PTPN4: variants seen among roughly 807,000 people sequenced by gnomAD.
PTPN4 encodes protein tyrosine phosphatase non-receptor type 4.
A neutral mutation model predicts 135.5 loss-of-function variants in PTPN4; 49 were observed. That is an observed-to-expected ratio of 0.36 (90% CI 0.29 to 0.46). PTPN4 has a LOEUF of 0.46. PTPN4 is among the 20% of genes least tolerant of loss of function. The pLI is 1.00. For missense variants in PTPN4, 860 were observed against 1,101.0 expected (o/e 0.78, Z 3.10); for synonymous variants, 333 against 369.9 (o/e 0.90, Z 1.14).
intron 2 of PTPN4, among the ~76,000 whole-genome samples, chr2:119,810,425 C>T (rs567327742): frequency 2.6e-5 from 4 of 152,292 alleles, no homozygotes; most frequent in Non-Finnish European, 4.4e-5. Flanking sequence ...AATATTTGTT[C>T]ATCCTATTTG....
intron 20 of PTPN4, among the ~76,000 whole-genome samples, chr2:119,956,165 G>A (rs181773643): frequency 6.6e-6 from 1 of 150,876 alleles, no homozygotes; most frequent in East Asian, 1.9e-4. Context: ...TTTGACCCAC[G>A]ATCACCCAGT....
At chr2:119,808,980 T>C (rs576175166) in intron 1 of PTPN4, among the ~76,000 whole-genome samples, 2 of 152,310 alleles carry the variant, frequency 1.3e-5, no homozygotes, top group African/African-American at 4.8e-5. Context: ...TCCCAAATAC[T>C]AGTCTTTCTT....
At position 119,944,997 on chromosome 2, in the gene PTPN4, C is replaced by T. The variant is rs1679111782; in HGVS notation, c.1356-84C>T. 3 of 1,279,578 alleles carry T rather than the reference C, an allele frequency of 2.3e-6. No homozygotes were observed. In the African/African-American group the frequency reaches 4.7e-5, roughly 20 times the overall value. The allele number at this position is 1,279,578 out of a possible 1,614,324, so 79.3% of individuals were successfully genotyped here. On this transcript the variant is annotated intron_variant, in intron 15 of 26. Coordinates refer to ENST00000263708, the MANE Select transcript of PTPN4 (RefSeq NM_002830.4). Reference sequence around the variant, plus strand: ...TATGGTATTTAGAGCCTGTCTCCTACCAGACATTGTAAATATGTGGGTTGC... The same window carrying T: ...TATGGTATTTAGAGCCTGTCTCCTATCAGACATTGTAAATATGTGGGTTGC...
At chr2:119,899,201 G>A (rs960133170) in intron 9 of PTPN4, among the ~76,000 whole-genome samples, 3 of 152,150 alleles carry the variant, frequency 2.0e-5, no homozygotes, top group Non-Finnish European at 4.4e-5. Flanking sequence ...CACAATTGCT[G>A]TTTTAGACAG....
intron 10 of PTPN4, among the ~76,000 whole-genome samples, chr2:119,903,276 G>A (rs113046357): frequency 6.6e-6 from 1 of 152,036 alleles, no homozygotes; most frequent in Non-Finnish European, 1.5e-5. Flanking sequence ...TGTGCCTTTG[G>A]GGGGCTAAGT....
chr2:119,856,573 G>C (rs72969177), intron 2 of PTPN4, among the ~76,000 whole-genome samples: 2,630 of 152,216 alleles, frequency 0.017, 71 homozygotes, highest in African/African-American at 0.06. Context: ...GTCATTGAAG[G>C]GTTCCTTAGT....
intron 10 of PTPN4, 50 bp downstream of exon 10, chr2:119,900,856 T>G: frequency 9.2e-7 from 1 of 1,087,802 alleles, no homozygotes; most frequent in Admixed American, 2.6e-5. Context: ...TTACTAAATA[T>G]AATAATTTAT....
chr2:119,760,673 C>T (rs1690469531), intron 1 of PTPN4, among the ~76,000 whole-genome samples: 1 of 150,312 alleles, frequency 6.7e-6, no homozygotes, highest in African/African-American at 2.4e-5. Context: ...GGAATGTTCC[C>T]AGTACCTAAA....
Position 119,896,539 on chromosome 2 carries a change from G to A in PTPN4, c.676-4179G>A, listed in dbSNP as rs1440037503. 2.0e-5 allele frequency among the ~76,000 whole-genome samples: 3 copies of A among 152,110 alleles called. No homozygotes were observed. In the South Asian group the frequency reaches 6.2e-4, roughly 32 times the overall value. ...TGATGTCTGTTATGTTCTTTTTTCA[G>A]GTGGTGCATAATGCCTGGGTTTTGC... On this transcript the variant is annotated intron_variant, in intron 9 of 26. Coordinates refer to ENST00000263708, the MANE Select transcript of PTPN4 (RefSeq NM_002830.4).
intron 2 of PTPN4, among the ~76,000 whole-genome samples, chr2:119,817,350 C>A (rs1035006482): frequency 7.5e-5 from 11 of 146,300 alleles, no homozygotes; most frequent in African/African-American, 2.8e-4. Context: ...TTTTTTAATA[C>A]TTTAATTTCT....
In PTPN4 at chr2:119,878,820, GCA is replaced by G. The variant is rs1430138616; in HGVS notation, c.368+1279_368+1280del. ...TTGAAAAACTAAGTTGTGGCCGGGT[GCA>G]GTGGCTCACGCCTGTAATCCCAGCA... On this transcript the variant is annotated intron_variant, in intron 5 of 26. Coordinates refer to ENST00000263708, the MANE Select transcript of PTPN4 (RefSeq NM_002830.4). Among the ~76,000 whole-genome samples, 148 of 151,918 alleles carry G rather than the reference GCA, an allele frequency of 9.7e-4. 2 individuals are homozygous for G. Among genetic ancestry groups the G allele is most frequent in the African/African-American group, 3.4e-3 (139 of 41,468 alleles).
In PTPN4 at chr2:119,793,941, G is replaced by A. The variant is rs534709191; in HGVS notation, c.-17-15896G>A. ...CTTAATCATAGCTCACAGCAGCCTC[G>A]AACTCCTGGGTTCAAGTGATCCTCC... On this transcript the variant is annotated intron_variant, in intron 1 of 26. Transcript: ENST00000263708. Among the ~76,000 whole-genome samples, 7 of 120,234 alleles carry A rather than the reference G, an allele frequency of 5.8e-5. No individual in the cohort carries two copies. In the East Asian group the frequency reaches 1.5e-3, roughly 25 times the overall value. 78.9% of individuals were successfully genotyped at this position (120,234 alleles called of 152,430 possible).
intron 2 of PTPN4, among the ~76,000 whole-genome samples, chr2:119,817,700 A>G (rs1319570704): frequency 5.3e-5 from 8 of 152,214 alleles, no homozygotes; most frequent in Non-Finnish European, 1.2e-4. Context: ...AGTTCTTTGA[A>G]GAATGTCAAT....
intron 10 of PTPN4, among the ~76,000 whole-genome samples, chr2:119,905,470 A>G (rs897097489): frequency 3.9e-5 from 6 of 152,346 alleles, no homozygotes; most frequent in African/African-American, 1.4e-4. Flanking sequence ...GCACCCAGAT[A>G]TATGAAGTAA....
intron 1 of PTPN4, among the ~76,000 whole-genome samples, chr2:119,803,389 A>G (rs1163229067): frequency 2.0e-5 from 3 of 152,086 alleles, no homozygotes; most frequent in African/African-American, 4.8e-5. Context: ...TTTTTATTCA[A>G]TCAGTGTATC....
chr2:119,804,926 C>G (rs1262561080), intron 1 of PTPN4, among the ~76,000 whole-genome samples: 1 of 152,214 alleles, frequency 6.6e-6, no homozygotes, highest in African/African-American at 2.4e-5. Context: ...TTCTCCACAT[C>G]CTCTCCAGCA....
intron 1 of PTPN4, among the ~76,000 whole-genome samples, chr2:119,775,097 A>G (rs1255659458): frequency 2.0e-3 from 10 of 4,916 alleles, no homozygotes; most frequent in East Asian, 9.4e-3. Context: ...CCCTATTCTG[A>G]AAAAAAAAAA....
chr2:119,793,846 G>GTTTTTTTTTTTTTTTTTTTTT (rs55956611), intron 1 of PTPN4, among the ~76,000 whole-genome samples: 7 of 24,798 alleles, frequency 2.8e-4, no homozygotes, highest in African/African-American at 9.2e-4. Context: ...TTCATTTTTA[G>GTTTTTTTTTTTTTTTTTTTTT]TTTTTTTTTT....
intron 1 of PTPN4, among the ~76,000 whole-genome samples, chr2:119,783,291 G>A (rs1451906811): frequency 6.6e-6 from 1 of 152,166 alleles, no homozygotes; most frequent in African/African-American, 2.4e-5. Context: ...TCTCTGTCCA[G>A]CTGTAATCCT....
Sources: gnomAD v4.1 joint callset for allele counts (sites outside exome capture counted in the v4.1 genomes callset) on GRCh38, gnomAD v4.1.1 for gene constraint, MANE v1.5 for transcripts, NCBI Gene and HGNC (gene_info 2026-07-23, HGNC 2026-07-21) for gene names.